CDKAL1: variants seen among roughly 807,000 people sequenced by gnomAD.
The protein encoded by CDKAL1 is threonylcarbamoyladenosine tRNA methylthiotransferase.
In CDKAL1, 32 loss-of-function variants were observed where a neutral mutation model predicts 68.2. The observed-to-expected ratio is 0.47, with a 90% CI of 0.35 to 0.63. The LOEUF is 0.63. CDKAL1 is among the 30% of genes least tolerant of loss of function. The pLI is 0.00. For missense variants in CDKAL1, 606 were observed against 696.7 expected (o/e 0.87, Z 1.47); for synonymous variants, 234 against 244.3 (o/e 0.96, Z 0.39).
chr6:20,687,946 G>C (rs1770700415), intron 5 of CDKAL1, among the ~76,000 whole-genome samples: 1 of 151,822 alleles, frequency 6.6e-6, no homozygotes, highest in Non-Finnish European at 1.5e-5. Context: ...TTGTTTGTTT[G>C]AGAAAGTATT....
chr6:20,592,701 G>A lies in CDKAL1; in HGVS notation c.286+43996G>A, dbSNP rs570340637. Among the ~76,000 whole-genome samples the A allele has an allele frequency of 1.8e-3, 270 of 152,076 alleles. 1 individual carries two copies. Among genetic ancestry groups the A allele is most frequent in the African/African-American group, 5.7e-3 (236 of 41,508 alleles). On this transcript the variant is annotated intron_variant, in intron 4 of 15. Transcript: ENST00000274695. ...GATGGGCTGTCTAGAACTCCTGACC[G>A]TGTGATCCACCCGCCTCGGCTTCCC... is the stretch of plus-strand genomic sequence containing the variant.
chr6:20,555,997 A>G (rs552814477), intron 4 of CDKAL1, among the ~76,000 whole-genome samples: 4 of 152,050 alleles, frequency 2.6e-5, no homozygotes, highest in Non-Finnish European at 5.9e-5. Flanking sequence ...AAGGGGGTAT[A>G]TATCCCACTG....
intron 11 of CDKAL1, among the ~76,000 whole-genome samples, chr6:21,046,408 G>A (rs1000447229): frequency 6.6e-6 from 1 of 152,184 alleles, no homozygotes; most frequent in African/African-American, 2.4e-5. Context: ...AAGAAGAAGG[G>A]GGCAGTGGGT....
chr6:20,636,747 A>G (rs1767919640), intron 4 of CDKAL1, among the ~76,000 whole-genome samples: 1 of 152,160 alleles, frequency 6.6e-6, no homozygotes. Flanking sequence ...ACATAAAGAA[A>G]GGATTGTTGG....
At chr6:20,710,791 A>T (rs867774770) in intron 5 of CDKAL1, among the ~76,000 whole-genome samples, 37 of 152,208 alleles carry the variant, frequency 2.4e-4, no homozygotes, top group Middle Eastern at 3.4e-3. Context: ...GCAGTAATGG[A>T]TTATTTTTGT....
At chr6:21,180,665 G>T (rs1777754430) in intron 13 of CDKAL1, among the ~76,000 whole-genome samples, 2 of 151,846 alleles carry the variant, frequency 1.3e-5, no homozygotes, top group South Asian at 4.2e-4. Context: ...TCACCCTTAA[G>T]GCTACTAATT....
intron 9 of CDKAL1, among the ~76,000 whole-genome samples, chr6:20,883,111 T>C (rs1217708022): frequency 6.6e-6 from 1 of 152,182 alleles, no homozygotes; most frequent in African/African-American, 2.4e-5. Flanking sequence ...GTACTTTAAG[T>C]ACTGCTATGA....
chr6:20,926,141 G>T (rs1763174249), intron 9 of CDKAL1, among the ~76,000 whole-genome samples: 1 of 152,022 alleles, frequency 6.6e-6, no homozygotes, highest in Non-Finnish European at 1.5e-5. Context: ...GAAATTGATG[G>T]CATCAAGAGA....
At chr6:20,685,214 G>A (rs1313378179) in intron 5 of CDKAL1, among the ~76,000 whole-genome samples, 3 of 152,118 alleles carry the variant, frequency 2.0e-5, no homozygotes, top group Non-Finnish European at 4.4e-5. Context: ...TGTTTTTTTA[G>A]CATGTGGATG....
At chr6:21,053,440 G>C (rs114259421) in intron 11 of CDKAL1, among the ~76,000 whole-genome samples, 2,515 of 152,262 alleles carry the variant, frequency 0.017, 39 homozygotes, top group Middle Eastern at 0.024. Context: ...TCCAAGTACA[G>C]GTCTTCGTGT....
chr6:21,227,188 A>G (rs570808228), intron 15 of CDKAL1, among the ~76,000 whole-genome samples: 4 of 152,330 alleles, frequency 2.6e-5, no homozygotes, highest in Non-Finnish European at 4.4e-5. Flanking sequence ...GACTTTTTCT[A>G]TCGGCTGTTT....
intron 2 of CDKAL1, among the ~76,000 whole-genome samples, chr6:20,537,436 G>A (rs1031681420): frequency 3.3e-5 from 5 of 151,976 alleles, no homozygotes; most frequent in Non-Finnish European, 7.4e-5. Flanking sequence ...GTGAAACCCC[G>A]TCTCTACTAA....
intron 2 of CDKAL1, among the ~76,000 whole-genome samples, chr6:20,537,893 CAGTCT>C (rs1763238833): frequency 3.2e-4 from 2 of 6,344 alleles, no homozygotes; most frequent in Admixed American, 1.4e-3. Context: ...TTCCCTCTAT[CAGTCT>C]ATCAGTTTGT....
chr6:20,630,476 A>C (rs1767627349), intron 4 of CDKAL1, among the ~76,000 whole-genome samples: 1 of 140,648 alleles, frequency 7.1e-6, no homozygotes, highest in Admixed American at 7.6e-5. Context: ...ATTCTTAATC[A>C]GCCCCCTGTT....
intron 6 of CDKAL1, among the ~76,000 whole-genome samples, chr6:20,740,584 G>A (rs1389985407): frequency 6.6e-6 from 1 of 152,120 alleles, no homozygotes; most frequent in African/African-American, 2.4e-5. Context: ...AACATCATAT[G>A]CTCATAGAAG....
intron 5 of CDKAL1, among the ~76,000 whole-genome samples, chr6:20,730,882 A>C (rs1772893273): frequency 6.6e-6 from 1 of 150,632 alleles, no homozygotes; most frequent in African/African-American, 2.4e-5. Context: ...GAAATAAAGC[A>C]GGGAAGCAGC....
chr6:20,643,523 G>A (rs1466845297), intron 4 of CDKAL1, among the ~76,000 whole-genome samples: 1 of 152,164 alleles, frequency 6.6e-6, no homozygotes, highest in Non-Finnish European at 1.5e-5. Flanking sequence ...CGTAGTTGAT[G>A]GCATCTTAGA....
intron 11 of CDKAL1, among the ~76,000 whole-genome samples, chr6:21,028,038 C>T (rs1368888132): frequency 6.6e-6 from 1 of 152,066 alleles, no homozygotes; most frequent in East Asian, 1.9e-4. Flanking sequence ...TCAGAGAATC[C>T]AAGAACAAGG....
At chr6:20,714,378 CTTTT>C (rs545162371) in intron 5 of CDKAL1, among the ~76,000 whole-genome samples, 4 of 72,738 alleles carry the variant, frequency 5.5e-5, no homozygotes, top group Admixed American at 1.6e-4. Context: ...ATTGTCTGTT[CTTTT>C]TTTTTTTTTT....
Sources: allele counts gnomAD v4.1 joint callset (sites outside exome capture counted in the v4.1 genomes callset), GRCh38; gene constraint gnomAD v4.1.1; transcripts MANE v1.5; gene names NCBI Gene and HGNC (gene_info 2026-07-23, HGNC 2026-07-21).